PCDHA6: variants seen among roughly 807,000 people sequenced by gnomAD.
The protein encoded by PCDHA6 is protocadherin alpha 6.
Under a neutral mutation model 60.3 loss-of-function variants are expected in PCDHA6, and 55 were observed. The observed-to-expected ratio is 0.91, with a 90% CI of 0.73 to 1.14. PCDHA6 has a LOEUF of 1.14. Among genes scored for constraint, PCDHA6 ranks in the 50% most tolerant of loss-of-function variants. The pLI is 0.00. For synonymous variants in PCDHA6, 652 were observed against 557.9 expected (o/e 1.17, Z -2.38); for missense variants, 1,327 against 1,256.5 (o/e 1.06, Z -0.85).
chr5:140,899,909 G>A (rs1401600020), intron 1 of PCDHA6, among the ~76,000 whole-genome samples: 1 of 152,134 alleles, frequency 6.6e-6, no homozygotes, highest in Non-Finnish European at 1.5e-5. Flanking sequence ...CTGGGCTCAA[G>A]CAATCCTCCT....
rs114851794 is a variant in PCDHA6, at chr5:140,908,247, A to G, written c.2395-70702A>G. ...GTCCTTAGTCTTCTCTTCCTCATCA[A>G]CTGATCATAGGGAACTCCCCATGAG... On this transcript the variant is annotated intron_variant, in intron 1 of 3. Coordinates refer to ENST00000529310, the MANE Select transcript of PCDHA6 (RefSeq NM_018909.4). Among the ~76,000 whole-genome samples, 435 of 152,170 alleles carry G rather than the reference A, an allele frequency of 2.9e-3. 1 individual carries two copies. Among genetic ancestry groups the G allele is most frequent in the African/African-American group, 9.6e-3 (400 of 41,506 alleles).
In PCDHA6 at chr5:140,870,098, A is replaced by G. The variant is rs181372298; in HGVS notation, c.2394+39613A>G. 3.1e-6 allele frequency: 5 copies of G among 1,613,860 alleles called. No individual in the cohort carries two copies. The East Asian group carries it at 1.1e-4, about 36-fold the overall frequency. On this transcript the variant is annotated intron_variant, in intron 1 of 3. Transcript: ENST00000529310. ...AAGGGGACTCCCCCAATGGCAGGTC[A>G]CTGTACAGTCTGGGTGGAAATCTTG... is the stretch of plus-strand genomic sequence containing the variant.
chr5:140,842,046 T>C (rs1554138752), intron 1 of PCDHA6: 1 of 1,613,856 alleles, frequency 6.2e-7, no homozygotes, highest in African/African-American at 1.3e-5. Flanking sequence ...GCTCCCACTT[T>C]CGAACAGTCT....
In PCDHA6 at chr5:140,850,260, G is replaced by T. The variant is rs2150476183; in HGVS notation, c.2394+19775G>T. On this transcript the variant is annotated intron_variant, in intron 1 of 3. Transcript: ENST00000529310. Reference sequence around the variant, plus strand: ...GGTGCTGCGGTCGGTGGGCGCCGGCGTAGTGGTGGGGAAGGTGCGCGCAGT... The same window carrying T: ...GGTGCTGCGGTCGGTGGGCGCCGGCTTAGTGGTGGGGAAGGTGCGCGCAGT... 1.2e-4 allele frequency: 186 copies of T among 1,594,256 alleles called. 15 individuals carry two copies. The highest frequency in any genetic ancestry group is 2.2e-4 in the Middle Eastern group (1 of 4,474).
At chr5:140,927,297 G>C in intron 1 of PCDHA6, 1 of 1,614,150 alleles carries the variant, frequency 6.2e-7, no homozygotes, top group Non-Finnish European at 8.5e-7. Context: ...ACATCCCCGA[G>C]TTCCTGACGC....
intron 1 of PCDHA6, among the ~76,000 whole-genome samples, chr5:140,944,130 G>C (rs141500614): frequency 3.9e-4 from 60 of 152,256 alleles, no homozygotes; most frequent in Non-Finnish European, 7.9e-4. Context: ...AGAAGAAAAG[G>C]TTGAAGATTA....
intron 1 of PCDHA6, chr5:140,854,190 A>T: frequency 1.5e-6 from 1 of 648,854 alleles, no homozygotes; most frequent in Non-Finnish European, 1.9e-6. Flanking sequence ...TAGTTTAACT[A>T]CTCCCTACTT....
intron 1 of PCDHA6, chr5:140,863,410 G>C: frequency 5.3e-6 from 4 of 753,286 alleles, no homozygotes; most frequent in African/African-American, 1.8e-5. Context: ...GCCCACGCTG[G>C]TGTACCGCAG....
chr5:140,989,139 C>G (rs1308771993), intron 3 of PCDHA6, among the ~76,000 whole-genome samples: 1 of 152,136 alleles, frequency 6.6e-6, no homozygotes, highest in African/African-American at 2.4e-5. Context: ...ACACTTTATC[C>G]CTTCTTTTGT....
At chr5:140,871,519 A>C in intron 1 of PCDHA6, 1 of 1,554,010 alleles carries the variant, frequency 6.4e-7, no homozygotes, top group Non-Finnish European at 8.7e-7. Context: ...GATTCCACCT[A>C]TCAGGAAGTG....
Position 140,985,739 on chromosome 5 carries a change from C to CTT in PCDHA6, c.2542+3195_2542+3196dup, listed in dbSNP as rs11372071. 6.5e-3 allele frequency among the ~76,000 whole-genome samples: 761 copies of CTT among 117,902 alleles called. 21 individuals carry two copies. The highest frequency in any genetic ancestry group is 0.054 in the East Asian group (218 of 4,012). The allele number at this position is 117,902 out of a possible 152,430, so 77.3% of individuals were successfully genotyped here. On this transcript the variant is annotated intron_variant, in intron 3 of 3. Transcript: ENST00000529310. ...TTATTTTTCCTTCACTGATGAATTC[C>CTT]TTTTTTTTTTTTTTTTTTTTGAGAC...
At chr5:140,892,011 A>G (rs1001369849) in intron 1 of PCDHA6, among the ~76,000 whole-genome samples, 10 of 152,244 alleles carry the variant, frequency 6.6e-5, no homozygotes, top group African/African-American at 2.4e-4. Flanking sequence ...CTGTTATAGC[A>G]GCACAAATGG....
At chr5:140,868,942 C>A (rs1238492263) in intron 1 of PCDHA6, 2 of 1,255,934 alleles carry the variant, frequency 1.6e-6, no homozygotes, top group South Asian at 1.6e-5. Flanking sequence ...TTGGTCTGAA[C>A]AGTGAGGCAC....
At chr5:140,852,634 G>C (rs1450409196) in intron 1 of PCDHA6, 2 of 955,260 alleles carry the variant, frequency 2.1e-6, no homozygotes, top group African/African-American at 3.6e-5. Flanking sequence ...CTGAGCTCCT[G>C]TCATTAAACC....
chr5:140,924,665 C>A (rs528625954), intron 1 of PCDHA6, among the ~76,000 whole-genome samples: 3 of 152,050 alleles, frequency 2.0e-5, no homozygotes, highest in Non-Finnish European at 4.4e-5. Flanking sequence ...GAGGCCGAGG[C>A]AGGCCAATCA....
rs1207415477 is a variant in PCDHA6 at position 140,980,276 on chromosome 5, T to C, written c.2453+1269T>C. 1.3e-5 allele frequency among the ~76,000 whole-genome samples: 2 copies of C among 152,224 alleles called. 1 individual carries two copies. The highest frequency in any genetic ancestry group is 2.9e-5 in the Non-Finnish European group (2 of 68,040). On this transcript the variant is annotated intron_variant, in intron 2 of 3. Transcript: ENST00000529310. ...AAAGCATGGTTTACAGTACCAACTC[T>C]TGAAAAGTACCAAAGCTATGAGTTG... is the stretch of plus-strand genomic sequence containing the variant.
At chr5:140,910,451 G>A (rs2075030507) in intron 1 of PCDHA6, among the ~76,000 whole-genome samples, 1 of 152,190 alleles carries the variant, frequency 6.6e-6, no homozygotes. Flanking sequence ...GTAGTTGAGT[G>A]ACTGTGGTTC....
intron 3 of PCDHA6, among the ~76,000 whole-genome samples, chr5:140,994,222 CTA>C (rs1219184690): frequency 6.6e-6 from 1 of 152,168 alleles, no homozygotes; most frequent in Non-Finnish European, 1.5e-5. Context: ...CAGGGTCTGT[CTA>C]TGTTATAATC....
In PCDHA6 at chr5:140,835,884, G is replaced by A. The variant is rs2150247452; in HGVS notation, c.2394+5399G>A. 3.7e-6 allele frequency: 6 copies of A among 1,611,966 alleles called. 1 individual carries two copies. The highest frequency in any genetic ancestry group is 2.2e-5 in the East Asian group (1 of 44,824). ...CTCGCTGGTGGAGCTGCGGGTGGGCGAGCGCGCGCTGTCGAGCTACGTGTC... is the reference window on the plus strand; with the variant it reads ...CTCGCTGGTGGAGCTGCGGGTGGGCAAGCGCGCGCTGTCGAGCTACGTGTC... On this transcript the variant is annotated intron_variant, in intron 1 of 3. Coordinates refer to ENST00000529310, the MANE Select transcript of PCDHA6 (RefSeq NM_018909.4).
Sources: gnomAD v4.1 joint callset for allele counts (sites outside exome capture counted in the v4.1 genomes callset) on GRCh38, gnomAD v4.1.1 for gene constraint, MANE v1.5 for transcripts, NCBI Gene and HGNC (gene_info 2026-07-23, HGNC 2026-07-21) for gene names.